CEP192: variants seen among roughly 807,000 people sequenced by gnomAD.
The protein encoded by CEP192 is centrosomal protein of 192 kDa.
CEP192 carries 151 observed loss-of-function variants against 271.8 expected under a neutral mutation model. The ratio of observed to expected loss-of-function variants is 0.56; its 90% CI spans 0.49 to 0.64. The LOEUF (loss-of-function observed/expected upper bound fraction) is 0.64. Ranked by LOEUF, CEP192 falls within the 30% of genes least tolerant of loss-of-function variation. CEP192 has a pLI of 0.00. For missense variants in CEP192, 2,910 were observed against 3,020.5 expected (o/e 0.96, Z 0.86); for synonymous variants, 995 against 1,076.5 (o/e 0.92, Z 1.48).
At chr18:13,020,163 A>G (rs2034905141) in intron 9 of CEP192, among the ~76,000 whole-genome samples, 1 of 152,148 alleles carries the variant, frequency 6.6e-6, no homozygotes, top group Non-Finnish European at 1.5e-5. Context: ...GTACATTTAC[A>G]TTGTGCAGCC....
Position 13,056,395 on chromosome 18 carries a change from C to T in CEP192, c.3805C>T (p.Leu1269Phe), listed in dbSNP as rs768781477. 1.2e-6 allele frequency: 2 copies of T among 1,614,268 alleles called. No individual in the cohort carries two copies. Among genetic ancestry groups the T allele is most frequent in the South Asian group, 1.1e-5 (1 of 91,088 alleles). The change falls in exon 19 of 45, where the codon CTC (leucine) becomes TTC (phenylalanine). Residue 1269 changes from leucine to phenylalanine, a missense_variant. Transcript: ENST00000506447. ...TTTTGCTCAGCGGTATTTGGGAACA[C>T]TCCCTTCAACTGGAAGCACCACCTT... ...APFAQRYLGT[L>F]PSTGSTTLPQ... is the part of the protein sequence containing the mutation.
At chr18:13,116,697 C>T (rs1457148203) in intron 43 of CEP192, among the ~76,000 whole-genome samples, 194 bp downstream of exon 43, 1 of 152,082 alleles carries the variant, frequency 6.6e-6, no homozygotes, top group Non-Finnish European at 1.5e-5. Context: ...GCAAGCTCCA[C>T]CTCCCGGGTT....
intron 32 of CEP192, chr18:13,088,878 T>A: frequency 2.2e-6 from 1 of 445,056 alleles, no homozygotes; most frequent in South Asian, 1.6e-5. Context: ...AAATAGAAAC[T>A]GACATTTGGA....
intron 9 of CEP192, among the ~76,000 whole-genome samples, chr18:13,024,843 A>G (rs1052029705): frequency 2.7e-5 from 4 of 150,322 alleles, no homozygotes; most frequent in African/African-American, 9.8e-5. Context: ...GATCTCAGCT[A>G]TCTGCGACCT....
At chr18:13,104,041 A>T (rs933851062) in intron 39 of CEP192, 1 of 351,252 alleles carries the variant, frequency 2.8e-6, no homozygotes, top group African/African-American at 2.1e-5. Context: ...TCTTTAGATG[A>T]GGATGATATA....
Position 13,017,278 on chromosome 18 carries a change from T to C in CEP192, c.731T>C (p.Leu244Pro), listed in dbSNP as rs1486198445. Residue 244 changes from leucine (L) to proline (P), a missense_variant, in exon 7 of 45, where the codon CTA (leucine) becomes CCA (proline). Physicochemically the swap from Leu to Pro is moderately conservative, Grantham distance 98 (BLOSUM62 -3). Transcript: ENST00000506447. ...LAIPGMIYED[L>P]EGPEPPEKGF... The stretch of plus-strand genomic sequence containing the variant: ...ATTCCAGGAATGATATATGAAGACC[T>C]AGAAGGACCAGAACCTCCAGAAAAA... 4.5e-6 allele frequency: 7 copies of C among 1,550,564 alleles called. No individual in the cohort carries two copies. The South Asian group carries it at 6.0e-5, about 13-fold the overall frequency.
chr18:13,018,069 T>C (rs1185046022), intron 7 of CEP192, among the ~76,000 whole-genome samples: 1 of 152,192 alleles, frequency 6.6e-6, no homozygotes, highest in African/African-American at 2.4e-5. Context: ...CAGTTTCTCA[T>C]GAATGGATTC....
At chr18:13,030,111 G>A in intron 10 of CEP192, 109 bp downstream of exon 10, 1 of 953,482 alleles carries the variant, frequency 1.0e-6, no homozygotes, top group Non-Finnish European at 1.5e-6. Context: ...AAATATTTTA[G>A]TGTTTTATAG....
At chr18:13,015,553 T>TA in intron 6 of CEP192, 105 bp downstream of exon 6, 1 of 1,067,968 alleles carries the variant, frequency 9.4e-7, no homozygotes. Context: ...TTTTTGTCCT[T>TA]ACCTTTTCTT....
At chr18:13,117,290 A>C (rs1029002246) in intron 43 of CEP192, among the ~76,000 whole-genome samples, 2 of 152,036 alleles carry the variant, frequency 1.3e-5, no homozygotes, top group African/African-American at 4.8e-5. Flanking sequence ...ATAACCCTTT[A>C]CTTGAAAATC....
In CEP192 at chr18:13,099,478, G is replaced by GTA; in HGVS notation, c.6561_6562dup (p.Lys2188IlefsTer7). The GTA allele has an allele frequency of 6.6e-7, 1 of 1,511,706 alleles. No individual in the cohort carries two copies. The highest frequency in any genetic ancestry group is 9.0e-7 in the Non-Finnish European group (1 of 1,109,534). The allele number at this position is 1,511,706 out of a possible 1,614,324, so 93.6% of individuals were successfully genotyped here. A position where few individuals can be genotyped will look rare whatever the true frequency, so the allele number is the denominator to read the frequency against. ...TTTCTTATTAATTTTTTTTAAAGGA[G>GTA]TAAACTACAAATTCTTGTGAGTCCT... On this transcript the variant is annotated frameshift_variant, in exon 37 of 45. Coordinates refer to ENST00000506447, the MANE Select transcript of CEP192 (RefSeq NM_032142.4). LOFTEE classifies it high-confidence loss of function.
chr18:13,050,226 T>G (rs1321368519), intron 17 of CEP192, among the ~76,000 whole-genome samples: 1 of 152,210 alleles, frequency 6.6e-6, no homozygotes, highest in Non-Finnish European at 1.5e-5. Context: ...ATAACTTTGT[T>G]CATAAAATTT....
chr18:13,073,657 C>T (rs2038125351), intron 30 of CEP192, among the ~76,000 whole-genome samples: 1 of 152,146 alleles, frequency 6.6e-6, no homozygotes, highest in South Asian at 2.1e-4. Context: ...ATTAGAGCAC[C>T]AGCAGATGCG....
chr18:13,000,545 G>A (rs535519252), intron 2 of CEP192: 1 of 152,350 alleles, frequency 6.6e-6, no homozygotes, highest in African/African-American at 2.4e-5. Context: ...TACTGGACTT[G>A]TATGGCTGTC....
At chr18:13,042,391 G>T in intron 15 of CEP192, 57 bp downstream of exon 15, 1 of 1,560,826 alleles carries the variant, frequency 6.4e-7, no homozygotes, top group Non-Finnish European at 8.8e-7. Context: ...TTCTTATCTA[G>T]GATCAAGACG....
chr18:13,039,314 A>G (rs2036077240), intron 13 of CEP192, among the ~76,000 whole-genome samples: 2 of 151,946 alleles, frequency 1.3e-5, no homozygotes, highest in South Asian at 4.2e-4. Flanking sequence ...AATTAGCCAG[A>G]TATGGTGGTG....
At chr18:12,993,308 G>T (rs1673736900) in intron 1 of CEP192, among the ~76,000 whole-genome samples, 1 of 152,150 alleles carries the variant, frequency 6.6e-6, no homozygotes, top group South Asian at 2.1e-4. Flanking sequence ...TTGCATTCGG[G>T]GGTAAGGTAG....
At chr18:12,999,828 A>ATTTTTTT (rs36207281) in intron 2 of CEP192, among the ~76,000 whole-genome samples, 4 of 124,030 alleles carry the variant, frequency 3.2e-5, no homozygotes, top group Non-Finnish European at 1.8e-5. Flanking sequence ...ATTTCGGTCT[A>ATTTTTTT]TTTTTTTTTT....
chr18:13,048,914 G>A lies in CEP192; in HGVS notation c.2123G>A (p.Ser708Asn), dbSNP rs1318132391. 6.2e-7 allele frequency: 1 copy of A among 1,613,804 alleles called. No homozygotes were observed. The highest frequency in any genetic ancestry group is 2.2e-5 in the East Asian group (1 of 44,858). Residue 708 changes from serine (S) to asparagine (N), a missense_variant, in exon 16 of 45, where the codon AGT becomes AAT. Ser to Asn is a conservative substitution (Grantham distance 46). Coordinates refer to ENST00000506447, the MANE Select transcript of CEP192 (RefSeq NM_032142.4). The part of the protein sequence containing the change: ...PQRYKDKLPD[S>N]GDSMLRISTI... ...AGATACAAAGACAAGCTACCAGATA[G>A]TGGTGATTCTATGCTTAGGATCAGC...
Sources: allele counts gnomAD v4.1 joint callset (sites outside exome capture counted in the v4.1 genomes callset), GRCh38; gene constraint gnomAD v4.1.1; transcripts MANE v1.5; gene names NCBI Gene and HGNC (gene_info 2026-07-23, HGNC 2026-07-21).